The following SOX6 variants were observed in gnomAD, a reference collection of about 807,000 sequenced individuals.
SOX6 encodes SRY-box transcription factor 6.
Under a neutral mutation model 97.8 loss-of-function variants are expected in SOX6, and 11 were observed. The ratio of observed to expected loss-of-function variants is 0.11; its 90% confidence interval spans 0.07 to 0.19. The LOEUF is 0.19. Among genes scored for constraint, SOX6 ranks in the 10% least tolerant of loss-of-function variants. The pLI is 1.00. For synonymous variants in SOX6, 360 were observed against 371.4 expected (o/e 0.97, Z 0.35); for missense variants, 810 against 1,039.5 (o/e 0.78, Z 3.04).
At chr11:16,440,867 T>C (rs1307172950) in intron 1 of SOX6, among the ~76,000 whole-genome samples, 1 of 152,068 alleles carries the variant, frequency 6.6e-6, no homozygotes, top group African/African-American at 2.4e-5. Context: ...ATCCTGAAAA[T>C]ACATCTACCC....
At chr11:16,208,640 AC>A (rs1438610327) in intron 4 of SOX6, among the ~76,000 whole-genome samples, 1 of 152,234 alleles carries the variant, frequency 6.6e-6, no homozygotes, top group Non-Finnish European at 1.5e-5. Flanking sequence ...AAAACAACTA[AC>A]TGTATTTGTT....
At chr11:16,107,412 TATATAC>T (rs1564958390) in intron 7 of SOX6, among the ~76,000 whole-genome samples, 1 of 142,852 alleles carries the variant, frequency 7.0e-6, no homozygotes, top group African/African-American at 2.7e-5. Context: ...TATGTATATA[TATATAC>T]ATATATATAC....
At chr11:16,137,747 C>T (rs182671767) in intron 6 of SOX6, among the ~76,000 whole-genome samples, 508 of 150,550 alleles carry the variant, frequency 3.4e-3, no homozygotes, top group Non-Finnish European at 6.7e-3. Context: ...ATAATCCCTA[C>T]GTGCCATGAG....
Position 16,341,000 on chromosome 11 carries a change from T to G in SOX6, c.237+12A>C. 1 of 1,613,174 alleles carries G rather than the reference T, an allele frequency of 6.2e-7. No homozygotes were observed. The highest frequency in any genetic ancestry group is 1.3e-5 in the African/African-American group (1 of 74,986). On this transcript the variant is annotated intron_variant, in intron 2 of 15. Coordinates refer to ENST00000683767, the MANE Select transcript of SOX6 (RefSeq NM_001367873.1). ...TGCATTTAGTGGCAGTGGTCAGATT[T>G]TAAAGGCTCACCATTCTTTGCTGAG...
chr11:16,094,765 A>C (rs1257843079), intron 9 of SOX6, among the ~76,000 whole-genome samples: 1 of 151,886 alleles, frequency 6.6e-6, no homozygotes, highest in African/African-American at 2.4e-5. Flanking sequence ...AGAAGGCAGG[A>C]GATATTCTGA....
At chr11:16,278,335 A>G (rs1342564308) in intron 3 of SOX6, among the ~76,000 whole-genome samples, 1 of 152,178 alleles carries the variant, frequency 6.6e-6, no homozygotes, top group African/African-American at 2.4e-5. Flanking sequence ...AAATGTTTCA[A>G]ATAACCCAAC....
intron 12 of SOX6, among the ~76,000 whole-genome samples, chr11:16,042,924 A>G (rs1301657792): frequency 2.0e-5 from 3 of 152,174 alleles, no homozygotes; most frequent in East Asian, 3.9e-4. Context: ...TAATCAGTCT[A>G]CTGGCTCACA....
intron 3 of SOX6, among the ~76,000 whole-genome samples, chr11:16,679,323 C>G (rs1000917047): frequency 6.6e-6 from 1 of 152,180 alleles, no homozygotes; most frequent in Non-Finnish European, 1.5e-5. Flanking sequence ...CCCAGGCAAA[C>G]AGGGTCTGAA....
At chr11:16,509,293 A>C (rs1860839521) in intron 4 of SOX6, among the ~76,000 whole-genome samples, 1 of 152,000 alleles carries the variant, frequency 6.6e-6, no homozygotes, top group Non-Finnish European at 1.5e-5. Flanking sequence ...AACCTTCTTA[A>C]TAATGATATA....
chr11:16,567,552 T>C (rs12289093), intron 4 of SOX6, among the ~76,000 whole-genome samples: 24,162 of 91,324 alleles, frequency 0.26, 2,086 homozygotes, highest in South Asian at 0.46. Flanking sequence ...TGGTATGTCA[T>C]ATTTTTTTCT....
intron 9 of SOX6, among the ~76,000 whole-genome samples, chr11:16,056,456 T>C (rs1417847465): frequency 6.6e-6 from 1 of 152,142 alleles, no homozygotes; most frequent in Admixed American, 6.6e-5. Flanking sequence ...CCCAGGGTCT[T>C]ATTTCTAGGC....
chr11:16,338,715 T>G (rs1175834894), intron 2 of SOX6, among the ~76,000 whole-genome samples: 1 of 152,072 alleles, frequency 6.6e-6, no homozygotes, highest in Non-Finnish European at 1.5e-5. Context: ...AGTGAAAGTT[T>G]GAAAACATGT....
intron 15 of SOX6, among the ~76,000 whole-genome samples, chr11:15,981,621 C>A (rs1468589359): frequency 6.6e-6 from 1 of 151,902 alleles, no homozygotes; most frequent in East Asian, 1.9e-4. Flanking sequence ...ATGTTCTAAT[C>A]CAGGGTCTTT....
At chr11:16,622,394 A>G (rs1032289560) in intron 3 of SOX6, among the ~76,000 whole-genome samples, 7 of 152,140 alleles carry the variant, frequency 4.6e-5, no homozygotes, top group Non-Finnish European at 7.4e-5. Flanking sequence ...ACTGTACCCA[A>G]TGTGTAGTCT....
At chr11:16,536,382 G>A (rs1190942525) in intron 4 of SOX6, among the ~76,000 whole-genome samples, 1 of 152,186 alleles carries the variant, frequency 6.6e-6, no homozygotes, top group Non-Finnish European at 1.5e-5. Context: ...CTCCCGGCGA[G>A]ATTGACGCAG....
intron 3 of SOX6, among the ~76,000 whole-genome samples, chr11:16,690,025 A>G (rs1036965266): frequency 1.2e-4 from 18 of 152,002 alleles, no homozygotes; most frequent in Non-Finnish European, 2.2e-4. Context: ...CTCGGGTTCA[A>G]GCAATTCTCA....
intron 3 of SOX6, among the ~76,000 whole-genome samples, chr11:16,263,112 G>A (rs949644279): frequency 1.2e-4 from 18 of 151,854 alleles, no homozygotes; most frequent in Admixed American, 2.0e-4. Flanking sequence ...GATAATTAGG[G>A]AGTTTATGTC....
At chr11:16,134,102 A>G (rs1302416610) in intron 6 of SOX6, among the ~76,000 whole-genome samples, 2 of 152,240 alleles carry the variant, frequency 1.3e-5, no homozygotes, top group East Asian at 3.8e-4. Context: ...TAAGTGCTTT[A>G]CATGCATTAA....
At chr11:16,522,569 C>A (rs538620205) in intron 4 of SOX6, among the ~76,000 whole-genome samples, 4 of 151,946 alleles carry the variant, frequency 2.6e-5, no homozygotes, top group African/African-American at 9.7e-5. Flanking sequence ...GAAACTGCAT[C>A]AACTAACGAG....
Sources: gnomAD v4.1 joint callset for allele counts (sites outside exome capture counted in the v4.1 genomes callset) on GRCh38, gnomAD v4.1.1 for gene constraint, MANE v1.5 for transcripts, NCBI Gene and HGNC (gene_info 2026-07-23, HGNC 2026-07-21) for gene names.